Variants in EEFSEC observed in about 807,000 individuals in gnomAD.
The protein encoded by EEFSEC is selenocysteine-specific elongation factor.
EEFSEC carries 43 observed loss-of-function variants against 42.1 expected under a neutral mutation model. That is an observed-to-expected ratio of 1.02 (90% CI 0.80 to 1.32). EEFSEC has a LOEUF of 1.32. EEFSEC is among the 40% of genes most tolerant of loss of function. The pLI is 0.00. For synonymous variants in EEFSEC, 354 were observed against 339.1 expected, an observed-to-expected ratio of 1.04 and a Z score of -0.48; for missense variants, 745 against 803.6, an observed-to-expected ratio of 0.93 and a Z score of 0.88.
intron 1 of EEFSEC, among the ~76,000 whole-genome samples, chr3:128,162,578 G>A (rs2065201473): frequency 6.6e-6 from 1 of 152,158 alleles, no homozygotes; most frequent in Admixed American, 6.5e-5. Flanking sequence ...TGACAGTGTG[G>A]GAGTAGCGCA....
intron 2 of EEFSEC, among the ~76,000 whole-genome samples, chr3:128,251,812 GTTC>G (rs566356451): frequency 2.6e-5 from 4 of 151,778 alleles, no homozygotes; most frequent in East Asian, 1.9e-4. Context: ...CAAACTCTTT[GTTC>G]TTCTTTGTGA....
chr3:128,367,879 G>T, intron 6 of EEFSEC: 1 of 980,694 alleles, frequency 1.0e-6, no homozygotes, highest in Non-Finnish European at 1.2e-6. Context: ...GCTGACTCCA[G>T]CTCAGGCTAG....
At chr3:128,368,607 G>T (rs1381775616) in intron 6 of EEFSEC, among the ~76,000 whole-genome samples, 4 of 152,220 alleles carry the variant, frequency 2.6e-5, no homozygotes, top group African/African-American at 9.7e-5. Context: ...AGCCTTGCTG[G>T]TCAGGGCCAC....
At chr3:128,413,192 G>T (rs1296440755), downstream of EEFSEC, among the ~76,000 whole-genome samples, 2 of 152,230 alleles carry the variant, frequency 1.3e-5, no homozygotes, top group Non-Finnish European at 2.9e-5. Flanking sequence ...TGAGGCCTGG[G>T]AGGAAGAGGA....
intron 2 of EEFSEC, among the ~76,000 whole-genome samples, chr3:128,258,281 A>G (rs1439803212): frequency 6.6e-6 from 1 of 152,136 alleles, no homozygotes; most frequent in Non-Finnish European, 1.5e-5. Flanking sequence ...CTTCCAGGTC[A>G]GTGTCCCTGG....
intron 4 of EEFSEC, among the ~76,000 whole-genome samples, chr3:128,304,398 T>G (rs1019501399): frequency 6.6e-6 from 1 of 152,076 alleles, no homozygotes; most frequent in Admixed American, 6.5e-5. Context: ...TTGGTTGCTA[T>G]TATTAATGTG....
chr3:128,353,225 C>T (rs1576663982), intron 5 of EEFSEC, among the ~76,000 whole-genome samples: 1 of 152,268 alleles, frequency 6.6e-6, no homozygotes, highest in East Asian at 1.9e-4. Context: ...TATGATGACA[C>T]CAAGTAAAGA....
chr3:128,258,232 A>G (rs529607442), intron 2 of EEFSEC, among the ~76,000 whole-genome samples: 4 of 152,200 alleles, frequency 2.6e-5, no homozygotes, highest in African/African-American at 9.6e-5. Context: ...ACTGGGCTCA[A>G]TCTTCTGCTT....
In EEFSEC at chr3:128,367,782, C is replaced by A. The variant is rs908365195; in HGVS notation, c.1600+9409C>A. 2.0e-5 allele frequency: 20 copies of A among 985,430 alleles called. No homozygotes were observed. The South Asian group carries it at 9.4e-4, about 46-fold the overall frequency. 61.0% of individuals were successfully genotyped at this position (985,430 alleles called of 1,614,324 possible). ...CCATATCACTGGCTCCATCAGCCCTCCAAAGAAACCAGCTCTACAATAAGA... is the reference window on the plus strand; with the variant it reads ...CCATATCACTGGCTCCATCAGCCCTACAAAGAAACCAGCTCTACAATAAGA... On this transcript the variant is annotated intron_variant, in intron 6 of 6. Coordinates refer to ENST00000254730, the MANE Select transcript of EEFSEC (RefSeq NM_021937.5).
intron 4 of EEFSEC, among the ~76,000 whole-genome samples, chr3:128,284,810 C>T (rs887105266): frequency 6.6e-6 from 1 of 152,102 alleles, no homozygotes; most frequent in African/African-American, 2.4e-5. Flanking sequence ...CCTGCCACTC[C>T]CCCATGTCTA....
At chr3:128,419,395 A>T in the EEFSEC span, among the ~76,000 whole-genome samples, 3 of 152,244 alleles carry the variant, frequency 2.0e-5, no homozygotes, top group Admixed American at 6.5e-5. Context: ...CAGGTGAAAA[A>T]AGTTGCAAAA....
chr3:128,189,968 T>C (rs977111306), intron 1 of EEFSEC, among the ~76,000 whole-genome samples: 2 of 152,152 alleles, frequency 1.3e-5, no homozygotes, highest in Non-Finnish European at 2.9e-5. Context: ...ATTCAAGCAG[T>C]TCTCCTGCCT....
chr3:128,418,926 A>G, the EEFSEC span, among the ~76,000 whole-genome samples: 1 of 152,204 alleles, frequency 6.6e-6, no homozygotes, highest in East Asian at 1.9e-4. Flanking sequence ...TCCCCTCAAG[A>G]CTAGGGGACA....
chr3:128,411,732 C>G (rs926352125), downstream of EEFSEC, among the ~76,000 whole-genome samples: 1 of 152,242 alleles, frequency 6.6e-6, no homozygotes, highest in South Asian at 2.1e-4. Context: ...TCCCTGGAAT[C>G]GAGACTCTGA....
intron 4 of EEFSEC, among the ~76,000 whole-genome samples, chr3:128,268,599 G>A (rs537327755): frequency 6.6e-6 from 1 of 152,216 alleles, no homozygotes; most frequent in South Asian, 2.1e-4. Flanking sequence ...TCCTGGATTA[G>A]GGTGGGCCTT....
intron 1 of EEFSEC, among the ~76,000 whole-genome samples, chr3:128,173,420 G>A (rs976758818): frequency 3.9e-5 from 6 of 152,168 alleles, no homozygotes; most frequent in Non-Finnish European, 7.3e-5. Context: ...CTGGGTCACC[G>A]TCAGCTCATA....
downstream of EEFSEC, among the ~76,000 whole-genome samples, chr3:128,409,327 G>A (rs1185747261): frequency 2.0e-5 from 3 of 152,080 alleles, no homozygotes; most frequent in Admixed American, 6.6e-5. Flanking sequence ...GGCAGGTTTC[G>A]ATCAAATGAC....
At chr3:128,274,926 A>T (rs1679475762) in intron 4 of EEFSEC, among the ~76,000 whole-genome samples, 1 of 152,224 alleles carries the variant, frequency 6.6e-6, no homozygotes, top group African/African-American at 2.4e-5. Context: ...TTCAGTGGTC[A>T]GTTAAGTTTC....
chr3:128,249,852 T>A (rs1298088739), intron 2 of EEFSEC, among the ~76,000 whole-genome samples: 3 of 152,220 alleles, frequency 2.0e-5, no homozygotes, highest in Non-Finnish European at 2.9e-5. Context: ...GACACTTGGG[T>A]TGCTTCCTGG....
Sources: allele counts gnomAD v4.1 joint callset (sites outside exome capture counted in the v4.1 genomes callset), GRCh38; gene constraint gnomAD v4.1.1; transcripts MANE v1.5; gene names NCBI Gene and HGNC (gene_info 2026-07-23, HGNC 2026-07-21).